Variants in STAT5B observed in about 807,000 individuals in gnomAD.
The protein encoded by STAT5B is transcription factor STAT5B.
A neutral mutation model predicts 107.8 loss-of-function variants in STAT5B; 21 were observed. That is an observed-to-expected ratio of 0.19 (90% CI 0.14 to 0.28). The LOEUF (loss-of-function observed/expected upper bound fraction) is 0.28. STAT5B is among the 10% of genes least tolerant of loss of function. STAT5B has a pLI of 1.00. For synonymous variants in STAT5B, 325 were observed against 401.7 expected, an observed-to-expected ratio of 0.81 and a Z score of 2.28; for missense variants, 565 against 1,008.2, an observed-to-expected ratio of 0.56 and a Z score of 5.95.
intron 1 of STAT5B, among the ~76,000 whole-genome samples, chr17:42,239,585 T>C (rs1201501305): frequency 3.3e-5 from 5 of 152,214 alleles, no homozygotes; most frequent in Admixed American, 6.6e-5. Flanking sequence ...AGTATATTAC[T>C]TATAACAAGT....
Position 42,202,404 on chromosome 17 carries a change from A to G in STAT5B, c.2173T>C (p.Tyr725His). The change falls in exon 18 of 19, where the codon TAC becomes CAC. Residue 725 changes from tyrosine to histidine, a missense_variant. Tyr to His is a moderately conservative substitution (Grantham distance 83). Coordinates refer to ENST00000293328, the MANE Select transcript of STAT5B (RefSeq NM_012448.4). The part of the protein sequence containing the change: ...SADAGGGSAT[Y>H]MDQAPSPAVC... ...GCTGGGGAGGGGGCCTGGTCCATGT[A>G]CGTGGCGCTGCCGCCCCCGGCATCT... 6.2e-7 allele frequency: 1 copy of G among 1,614,216 alleles called. No individual in the cohort carries two copies.
At chr17:42,274,457 T>C (rs1470470908) in intron 1 of STAT5B, among the ~76,000 whole-genome samples, 2 of 152,152 alleles carry the variant, frequency 1.3e-5, no homozygotes, top group Non-Finnish European at 2.9e-5. Context: ...TACCACAAAT[T>C]GTCACATAGG....
At chr17:42,279,695 G>A (rs1286733056), upstream of STAT5B, among the ~76,000 whole-genome samples, 1 of 152,114 alleles carries the variant, frequency 6.6e-6, no homozygotes, top group Non-Finnish European at 1.5e-5. Flanking sequence ...CAGCTACTTG[G>A]GAGGCTGAGG....
At chr17:42,275,739 A>AAGG (rs1420223572) in intron 1 of STAT5B, among the ~76,000 whole-genome samples, 1 of 151,302 alleles carries the variant, frequency 6.6e-6, no homozygotes, top group East Asian at 2.0e-4. Flanking sequence ...GATTCCTTAT[A>AAGG]AGGCCCTGTT....
At chr17:42,227,159 A>ATAAATAAATAAATAAAT (rs2080280644) in intron 3 of STAT5B, among the ~76,000 whole-genome samples, 2 of 149,862 alleles carry the variant, frequency 1.3e-5, no homozygotes, top group African/African-American at 4.9e-5. Flanking sequence ...AAATAAATAA[A>ATAAATAAATAAATAAAT]TAAATAAATA....
At position 42,227,653 on chromosome 17, in the gene STAT5B, T is replaced by C; in HGVS notation, c.161A>G (p.Asn54Ser). 1 of 1,614,176 alleles carries C rather than the reference T, an allele frequency of 6.2e-7. No homozygotes were observed. Among genetic ancestry groups the C allele is most frequent in the Non-Finnish European group, 8.5e-7 (1 of 1,180,028 alleles). The change falls in exon 3 of 19, where the codon AAC (asparagine) becomes AGC (serine). Residue 54 changes from asparagine to serine, a missense_variant. By Grantham distance (46) the Asn-to-Ser change is conservative. Around this residue, in one of 11 missense-constraint regions of STAT5B, gnomAD observed 83 missense variants for 145.1 expected, o/e 0.57. Transcript: ENST00000293328. ...CTCCAGGAGCTGGGTGGCCTTAATG[T>C]TCTCCTGTGGATTATCAAGATCTAC... is the stretch of plus-strand genomic sequence containing the variant. ...DSVDLDNPQENIKATQLLEGL... is the reference protein window; with the variant it reads ...DSVDLDNPQESIKATQLLEGL...
intron 1 of STAT5B, among the ~76,000 whole-genome samples, chr17:42,263,871 G>GCACACACACACA (rs3222522): frequency 9.9e-4 from 143 of 145,026 alleles, no homozygotes; most frequent in East Asian, 1.8e-3. Context: ...TAGAAAGCGC[G>GCACACACACACA]CACACACACA....
intron 1 of STAT5B, among the ~76,000 whole-genome samples, chr17:42,259,044 A>T (rs1473288035): frequency 6.6e-6 from 1 of 152,244 alleles, no homozygotes; most frequent in Non-Finnish European, 1.5e-5. Flanking sequence ...TTTTCTAGAC[A>T]AATTCAGTTT....
chr17:42,228,290 A>G (rs566688972), intron 2 of STAT5B, among the ~76,000 whole-genome samples: 4 of 152,370 alleles, frequency 2.6e-5, no homozygotes, highest in African/African-American at 9.6e-5. Context: ...GGCAATGCCA[A>G]CTTTTCCAGT....
At position 42,201,862 on chromosome 17, in the gene STAT5B, G is replaced by A; in HGVS notation, c.2240C>T (p.Pro747Leu). ...QAHYNMYPQN[P>L]DSVLDTDGDF... ...CCCATCGGTGTCAAGGACTGAGTCAGGGCTTGGGAGGGAAAGAAGAGGGAT... is the reference window on the plus strand; with the variant it reads ...CCCATCGGTGTCAAGGACTGAGTCAAGGCTTGGGAGGGAAAGAAGAGGGAT... The change falls in exon 19 of 19, where the codon CCT becomes CTT. Residue 747 changes from proline (P) to leucine (L), a missense_variant and splice_region_variant. Transcript: ENST00000293328. 6.2e-7 allele frequency: 1 copy of A among 1,613,846 alleles called. No homozygotes were observed. Among genetic ancestry groups the A allele is most frequent in the Non-Finnish European group, 8.5e-7 (1 of 1,179,918 alleles).
At chr17:42,212,742 C>T (rs2080139910) in intron 12 of STAT5B, among the ~76,000 whole-genome samples, 1 of 152,202 alleles carries the variant, frequency 6.6e-6, no homozygotes, top group Non-Finnish European at 1.5e-5. Flanking sequence ...TAATAAACTG[C>T]TTTTCAACCC....
At chr17:42,205,480 C>A (rs2080077890) in intron 16 of STAT5B, among the ~76,000 whole-genome samples, 1 of 152,252 alleles carries the variant, frequency 6.6e-6, no homozygotes, top group East Asian at 1.9e-4. Flanking sequence ...GAGGCTCCAG[C>A]CTCCCTGGCC....
intron 12 of STAT5B, among the ~76,000 whole-genome samples, chr17:42,212,507 A>T (rs1194491765): frequency 6.6e-6 from 1 of 152,234 alleles, no homozygotes; most frequent in African/African-American, 2.4e-5. Context: ...CTTAGATTGT[A>T]AACACCTTGG....
chr17:42,224,646 C>T, intron 4 of STAT5B, 133 bp downstream of exon 4: 1 of 885,508 alleles, frequency 1.1e-6, no homozygotes, highest in Non-Finnish European at 1.8e-6. Flanking sequence ...TTCTTTTGTG[C>T]CCCTTAGGAT....
At position 42,202,901 on chromosome 17, in the gene STAT5B, C is replaced by T. The variant is rs188219107; in HGVS notation, c.2078-93G>A. ...TCACATCTTTTCTTAGGACAGAACA[C>T]AACCACCTAACTTATCTAAGGATAT... is the stretch of plus-strand genomic sequence containing the variant. On this transcript the variant is annotated intron_variant, in intron 16 of 18. Coordinates refer to ENST00000293328, the MANE Select transcript of STAT5B (RefSeq NM_012448.4). 3.1e-4 allele frequency: 468 copies of T among 1,499,018 alleles called. 3 individuals are homozygous for T. In the South Asian group the frequency reaches 3.3e-3, roughly 10 times the overall value. 92.9% of individuals were successfully genotyped at this position (1,499,018 alleles called of 1,614,324 possible). A position where few individuals can be genotyped will look rare whatever the true frequency, so the allele number is the denominator to read the frequency against.
At chr17:42,229,886 A>C (rs572961348) in intron 2 of STAT5B, among the ~76,000 whole-genome samples, 2 of 152,240 alleles carry the variant, frequency 1.3e-5, no homozygotes, top group East Asian at 3.9e-4. Context: ...AGAATTGAAA[A>C]TTCTTCATTA....
chr17:42,221,961 T>C (rs1489767774), intron 5 of STAT5B, among the ~76,000 whole-genome samples: 2 of 144,158 alleles, frequency 1.4e-5, no homozygotes, highest in African/African-American at 5.2e-5. Flanking sequence ...TGTGTGTGTG[T>C]GCTATGTGTG....
At chr17:42,207,022 G>T (rs932887441) in intron 16 of STAT5B, among the ~76,000 whole-genome samples, 10 of 151,568 alleles carry the variant, frequency 6.6e-5, no homozygotes, top group African/African-American at 2.4e-4. Context: ...GATTACAAGT[G>T]CCTGCCACCA....
At chr17:42,202,882 C>A in intron 16 of STAT5B, 74 bp from the exon 17 acceptor site, 1 of 1,564,960 alleles carries the variant, frequency 6.4e-7, no homozygotes, top group East Asian at 2.2e-5. Flanking sequence ...TGAATCACAT[C>A]TTTTCTTAGG....
Sources: gnomAD v4.1 joint callset for allele counts (sites outside exome capture counted in the v4.1 genomes callset) on GRCh38, gnomAD v4.1.1 for gene constraint, gnomAD v4.1.1 regional missense constraint, MANE v1.5 for transcripts, NCBI Gene and HGNC (gene_info 2026-07-23, HGNC 2026-07-21) for gene names.